The following KSR1 variants were observed in gnomAD, a reference collection of about 807,000 sequenced individuals.
KSR1 encodes kinase suppressor of ras 1, also known as kinase suppressor of ras.
In KSR1, 35 loss-of-function variants were observed where a neutral mutation model predicts 92.9. That is an observed-to-expected ratio of 0.38 (90% CI 0.29 to 0.50). KSR1 has a LOEUF of 0.50. Ranked by LOEUF, KSR1 falls within the 20% of genes least tolerant of loss-of-function variation. KSR1 has a pLI of 0.94. For missense variants in KSR1, 972 were observed against 1,158.5 expected (o/e 0.84, Z 2.34); for synonymous variants, 467 against 472.6 (o/e 0.99, Z 0.15).
chr17:27,516,109 C>T (rs928591144), intron 1 of KSR1, among the ~76,000 whole-genome samples: 7 of 152,168 alleles, frequency 4.6e-5, no homozygotes, highest in Admixed American at 2.6e-4. Context: ...AGAGACCTAT[C>T]ACATCCAGGA....
chr17:27,511,529 C>A (rs900257130), intron 1 of KSR1, among the ~76,000 whole-genome samples: 2 of 152,302 alleles, frequency 1.3e-5, no homozygotes, highest in East Asian at 1.9e-4. Context: ...AGCAGTTAGA[C>A]CCCACTCAGG....
At chr17:27,532,192 T>C (rs955820793) in intron 1 of KSR1, among the ~76,000 whole-genome samples, 1 of 152,262 alleles carries the variant, frequency 6.6e-6, no homozygotes, top group Non-Finnish European at 1.5e-5. Flanking sequence ...GGTCTGGTCC[T>C]GCTAATAATC....
chr17:27,506,200 T>G (rs1308258175), intron 1 of KSR1, among the ~76,000 whole-genome samples: 6 of 152,124 alleles, frequency 3.9e-5, no homozygotes, highest in Non-Finnish European at 8.8e-5. Context: ...AAGGTCGGTT[T>G]TGGGTTTTGG....
At chr17:27,611,121 G>T (rs116300090) in intron 17 of KSR1, among the ~76,000 whole-genome samples, 1 of 152,298 alleles carries the variant, frequency 6.6e-6, no homozygotes, top group African/African-American at 2.4e-5. Flanking sequence ...CCAGGTGCTG[G>T]GCTTGGCAAT....
At chr17:27,482,680 T>A (rs1241823644) in intron 1 of KSR1, among the ~76,000 whole-genome samples, 1 of 152,128 alleles carries the variant, frequency 6.6e-6, no homozygotes, top group Non-Finnish European at 1.5e-5. Flanking sequence ...AGCAAACATT[T>A]GCTATAAAGA....
chr17:27,580,436 A>G (rs1313301862), intron 3 of KSR1, among the ~76,000 whole-genome samples: 1 of 152,188 alleles, frequency 6.6e-6, no homozygotes. Flanking sequence ...AAACTTATGA[A>G]TTGGGAAGGC....
chr17:27,517,624 G>A (rs898613912), intron 1 of KSR1, among the ~76,000 whole-genome samples: 10 of 152,278 alleles, frequency 6.6e-5, no homozygotes, highest in African/African-American at 1.7e-4. Flanking sequence ...TTCATTGGAC[G>A]ATAAACTATG....
rs115206451 is a variant in KSR1 at position 27,585,775 on chromosome 17, A to G, written c.985+114A>G. 2.3e-3 allele frequency: 1,645 copies of G among 716,388 alleles called. 16 individuals carry two copies. The African/African-American group carries it at 0.026, about 11-fold the overall frequency. 44.4% of individuals were successfully genotyped at this position (716,388 alleles called of 1,614,324 possible). A position where few individuals can be genotyped will look rare whatever the true frequency, so the allele number is the denominator to read the frequency against. ...CTCTTAGCCCGTTCAGCCTCTCCAT[A>G]GTCCAGAAGCAGAGGTGCTGGTGAC... On this transcript the variant is annotated intron_variant, in intron 5 of 20. Coordinates refer to ENST00000644974, the MANE Select transcript of KSR1 (RefSeq NM_001394583.1).
chr17:27,531,428 G>A (rs2070533357), intron 1 of KSR1, among the ~76,000 whole-genome samples: 1 of 152,238 alleles, frequency 6.6e-6, no homozygotes, highest in South Asian at 2.1e-4. Context: ...TAAGCTGAGG[G>A]GGTGGCCCTG....
intron 1 of KSR1, among the ~76,000 whole-genome samples, chr17:27,532,639 T>A (rs2070586674): frequency 6.6e-6 from 1 of 152,152 alleles, no homozygotes; most frequent in Non-Finnish European, 1.5e-5. Context: ...CGGGGTAGGA[T>A]GTGGCTTACA....
intron 6 of KSR1, 66 bp from the exon 7 acceptor site, chr17:27,590,745 A>G (rs904398809): frequency 1.4e-6 from 2 of 1,473,120 alleles, no homozygotes; most frequent in African/African-American, 1.4e-5. Flanking sequence ...TCCATGGGAA[A>G]CCTTCTGTGG....
Position 27,603,921 on chromosome 17 carries a change from C to T in KSR1, c.1565+33C>T, listed in dbSNP as rs778870217. 5.6e-6 allele frequency: 9 copies of T among 1,607,400 alleles called. No homozygotes were observed. The East Asian group carries it at 1.8e-4, about 32-fold the overall frequency. ...TCCCTAGGTGGTGTCCCCTTCGCTTCTTTGGGGAATTATTAAGGCTGGATC... is the reference window on the plus strand; with the variant it reads ...TCCCTAGGTGGTGTCCCCTTCGCTTTTTTGGGGAATTATTAAGGCTGGATC... On this transcript the variant is annotated intron_variant, in intron 12 of 20. Transcript: ENST00000644974.
At chr17:27,571,322 T>TA (rs2072297085) in intron 2 of KSR1, among the ~76,000 whole-genome samples, 1 of 152,198 alleles carries the variant, frequency 6.6e-6, no homozygotes, top group African/African-American at 2.4e-5. Flanking sequence ...ATCTGACTGT[T>TA]ACTATCCAAG....
intron 19 of KSR1, among the ~76,000 whole-genome samples, chr17:27,619,887 G>C (rs1202842447): frequency 6.6e-6 from 1 of 151,774 alleles, no homozygotes; most frequent in African/African-American, 2.4e-5. Flanking sequence ...TAATTTTTGT[G>C]TTTTTTGGTA....
chr17:27,624,594 C>T lies in KSR1; in HGVS notation c.*1202C>T, dbSNP rs2074300235. The T allele has an allele frequency of 6.6e-6, 1 of 152,158 alleles. No individual in the cohort carries two copies. The highest frequency in any genetic ancestry group is 6.5e-5 in the Admixed American group (1 of 15,284). The allele number at this position is 152,158 out of a possible 1,614,324, so 9.4% of individuals were successfully genotyped here. A position where few individuals can be genotyped will look rare whatever the true frequency, so the allele number is the denominator to read the frequency against. On this transcript the variant is annotated 3_prime_UTR_variant, in exon 21 of 21. Coordinates refer to ENST00000644974, the MANE Select transcript of KSR1 (RefSeq NM_001394583.1). ...TGGAAAAGTCTTTGAAGTGAGAGCA[C>T]CACGCTTGTCTTCGTTAGAAACTCT...
At chr17:27,536,184 G>A (rs1042164435) in intron 1 of KSR1, among the ~76,000 whole-genome samples, 1 of 152,186 alleles carries the variant, frequency 6.6e-6, no homozygotes, top group Non-Finnish European at 1.5e-5. Flanking sequence ...CTTTGAGGGT[G>A]GAATCTCCAG....
In KSR1 at chr17:27,605,424, C is replaced by G. The variant is rs769999441; in HGVS notation, c.1615-10C>G. On this transcript the variant is annotated splice_polypyrimidine_tract_variant and intron_variant, in intron 13 of 20. Transcript: ENST00000644974. ...GCTGCCCATCCCTGTTCTTCCTGCT[C>G]TCCTTTCAGGCTGAGGAGCCAGAGG... 1.2e-6 allele frequency: 2 copies of G among 1,606,200 alleles called. No homozygotes were observed. Among genetic ancestry groups the G allele is most frequent in the African/African-American group, 1.3e-5 (1 of 74,768 alleles).
intron 1 of KSR1, among the ~76,000 whole-genome samples, chr17:27,509,407 C>T (rs887699991): frequency 2.6e-5 from 4 of 152,088 alleles, no homozygotes; most frequent in Non-Finnish European, 5.9e-5. Context: ...TCTCCTGCCT[C>T]AGCCTCCCGG....
chr17:27,595,860 C>T (rs914803435), intron 9 of KSR1, among the ~76,000 whole-genome samples: 120 of 152,138 alleles, frequency 7.9e-4, no homozygotes, highest in African/African-American at 2.8e-3. Flanking sequence ...TGGCCACAGG[C>T]ATCCTGAAGC....
Sources: allele counts gnomAD v4.1 joint callset (sites outside exome capture counted in the v4.1 genomes callset), GRCh38; gene constraint gnomAD v4.1.1; transcripts MANE v1.5; gene names NCBI Gene and HGNC (gene_info 2026-07-23, HGNC 2026-07-21).